Variants in N4BP2 observed in about 807,000 individuals in gnomAD.
N4BP2 encodes NEDD4-binding protein 2.
N4BP2 carries 91 observed loss-of-function variants against 152.8 expected under a neutral mutation model. That is an observed-to-expected ratio of 0.60 (90% CI 0.50 to 0.71). The LOEUF is 0.71. Among genes scored for constraint, N4BP2 ranks in the 30% least tolerant of loss-of-function variants. The probability of loss-of-function intolerance (pLI) is 0.00; values close to 1 mark genes in which losing one functional copy is unlikely to be tolerated. For missense variants in N4BP2, 1,923 were observed against 2,059.1 expected, an observed-to-expected ratio of 0.93 and a Z score of 1.28; for synonymous variants, 646 against 705.3, an observed-to-expected ratio of 0.92 and a Z score of 1.33.
At chr4:40,139,260 A>T (rs1719681658) in intron 14 of N4BP2, among the ~76,000 whole-genome samples, 1 of 151,556 alleles carries the variant, frequency 6.6e-6, no homozygotes, top group Admixed American at 6.6e-5. Flanking sequence ...TTATTTTTTG[A>T]TATTACTTTT....
At chr4:40,109,322 G>C (rs1218626695) in intron 5 of N4BP2, among the ~76,000 whole-genome samples, 1 of 152,172 alleles carries the variant, frequency 6.6e-6, no homozygotes, top group African/African-American at 2.4e-5. Context: ...ATATGATCTT[G>C]TGCAATTTAC....
chr4:40,135,892 C>A (rs373376107), intron 13 of N4BP2, among the ~76,000 whole-genome samples: 3 of 152,122 alleles, frequency 2.0e-5, no homozygotes, highest in Non-Finnish European at 4.4e-5. Flanking sequence ...AAAAAATATT[C>A]GTATATGGTC....
chr4:40,181,685 G>A, the N4BP2 span, among the ~76,000 whole-genome samples: 1 of 152,198 alleles, frequency 6.6e-6, no homozygotes, highest in East Asian at 1.9e-4. Context: ...GGTGGCTCAC[G>A]CCTGTTAGTC....
At chr4:40,109,423 A>G (rs569242476) in intron 5 of N4BP2, among the ~76,000 whole-genome samples, 6 of 152,218 alleles carry the variant, frequency 3.9e-5, no homozygotes, top group African/African-American at 9.6e-5. Context: ...TGAAGGTGAA[A>G]AGTGTTAACA....
chr4:40,070,050 A>G (rs532691418), intron 1 of N4BP2, among the ~76,000 whole-genome samples: 1 of 152,348 alleles, frequency 6.6e-6, no homozygotes, highest in South Asian at 2.1e-4. Flanking sequence ...AGCATGGTAC[A>G]TTTTAAAAAC....
chr4:40,109,708 ACT>A (rs1376070987), intron 5 of N4BP2, among the ~76,000 whole-genome samples: 1 of 150,616 alleles, frequency 6.6e-6, no homozygotes, highest in South Asian at 2.1e-4. Flanking sequence ...ACAGAGCAAG[ACT>A]CTGTCTCAAA....
the N4BP2 span, among the ~76,000 whole-genome samples, chr4:40,179,427 G>A: frequency 1.3e-5 from 2 of 152,150 alleles, no homozygotes; most frequent in East Asian, 3.8e-4. Context: ...TTGAGTCACA[G>A]CAAAACTAAT....
intron 17 of N4BP2, 62 bp from the exon 18 acceptor site, chr4:40,154,130 G>T: frequency 3.5e-6 from 4 of 1,127,556 alleles, no homozygotes; most frequent in South Asian, 1.3e-5. Context: ...TGATTACAAG[G>T]TATATTCCTT....
At chr4:40,174,479 A>T in the N4BP2 span, among the ~76,000 whole-genome samples, 1 of 152,080 alleles carries the variant, frequency 6.6e-6, no homozygotes, top group Non-Finnish European at 1.5e-5. Context: ...GGATGTGGAA[A>T]CAACCTAAGT....
chr4:40,064,921 C>T (rs1486624553), intron 1 of N4BP2, among the ~76,000 whole-genome samples: 1 of 152,032 alleles, frequency 6.6e-6, no homozygotes, highest in Non-Finnish European at 1.5e-5. Context: ...CAGGTATGCA[C>T]CACCACACTC....
At chr4:40,136,600 T>TG (rs1719427205) in intron 13 of N4BP2, among the ~76,000 whole-genome samples, 1 of 152,192 alleles carries the variant, frequency 6.6e-6, no homozygotes, top group African/African-American at 2.4e-5. Context: ...TTGGCCAGGC[T>TG]AGTCTCTTAA....
chr4:40,119,904 C>T (rs1166025981), intron 8 of N4BP2, 28 bp from the exon 9 acceptor site: 2 of 1,117,380 alleles, frequency 1.8e-6, no homozygotes, highest in Admixed American at 2.4e-5. Context: ...GAGACTTTCT[C>T]ATGATACTCT....
At chr4:40,177,547 C>G in the N4BP2 span, among the ~76,000 whole-genome samples, 1 of 152,074 alleles carries the variant, frequency 6.6e-6, no homozygotes, top group African/African-American at 2.4e-5. Flanking sequence ...ACCCCGGAGG[C>G]AGAGATTGCA....
the N4BP2 span, among the ~76,000 whole-genome samples, chr4:40,163,280 A>T: frequency 1.3e-5 from 2 of 152,190 alleles, no homozygotes; most frequent in South Asian, 4.1e-4. Flanking sequence ...CCGCTGGGGT[A>T]GGTATTATTG....
chr4:40,084,707 G>C (rs941402435), intron 2 of N4BP2, among the ~76,000 whole-genome samples: 7 of 148,304 alleles, frequency 4.7e-5, no homozygotes, highest in African/African-American at 1.5e-4. Context: ...TTGGCTCACT[G>C]TAACCTCTGC....
At chr4:40,181,702 C>G in the N4BP2 span, among the ~76,000 whole-genome samples, 16 of 152,230 alleles carry the variant, frequency 1.1e-4, no homozygotes, top group Non-Finnish European at 2.2e-4. Context: ...AGTCCCAGCA[C>G]TTTGGGAGGC....
chr4:40,179,255 A>C, the N4BP2 span, among the ~76,000 whole-genome samples: 4 of 152,262 alleles, frequency 2.6e-5, no homozygotes, highest in East Asian at 1.9e-4. Context: ...CTGTAGTCCC[A>C]GCTACTTGGG....
At chr4:40,173,179 AG>A in the N4BP2 span, among the ~76,000 whole-genome samples, 14,292 of 152,100 alleles carry the variant, frequency 0.094, 738 homozygotes, top group African/African-American at 0.14. Flanking sequence ...GTCCCCTTAG[AG>A]GGGCTAGTTT....
chr4:40,066,583 G>A (rs1157459154), intron 1 of N4BP2, among the ~76,000 whole-genome samples: 1 of 152,040 alleles, frequency 6.6e-6, no homozygotes, highest in Non-Finnish European at 1.5e-5. Flanking sequence ...GCCTCCCAAA[G>A]TGCTGGGATT....
Sources: allele counts gnomAD v4.1 joint callset (sites outside exome capture counted in the v4.1 genomes callset), GRCh38; gene constraint gnomAD v4.1.1; transcripts MANE v1.5; gene names NCBI Gene and HGNC (gene_info 2026-07-23, HGNC 2026-07-21).